The following MCPH1 variants were observed in gnomAD, a reference collection of about 807,000 sequenced individuals.
MCPH1 encodes the protein microcephalin 1.
In MCPH1, 104 loss-of-function variants were observed where a neutral mutation model predicts 84.5. The ratio of observed to expected loss-of-function variants is 1.23; its 90% CI spans 1.05 to 1.45. The LOEUF (loss-of-function observed/expected upper bound fraction) is 1.45. Ranked by LOEUF, MCPH1 falls within the 40% of genes most tolerant of loss-of-function variation. The pLI is 0.00. For missense variants in MCPH1, 1,498 were observed against 1,005.7 expected (o/e 1.49, Z -6.62); for synonymous variants, 514 against 366.8 (o/e 1.40, Z -4.58).
rs1305815210 is a variant in MCPH1 at position 6,647,265 on chromosome 8, C to G, written c.*4216C>G. 1 of 152,172 alleles carries G rather than the reference C, an allele frequency of 6.6e-6. No homozygotes were observed. The highest frequency in any genetic ancestry group is 1.5e-5 in the Non-Finnish European group (1 of 68,026). 9.4% of individuals were successfully genotyped at this position (152,172 alleles called of 1,614,324 possible). ...ATTAGAATGACTGTAAACAACAAGA[C>G]TGATAATTCCAACATCTGACCAAGA... On this transcript the variant is annotated 3_prime_UTR_variant, in exon 14 of 14. Coordinates refer to ENST00000344683, the MANE Select transcript of MCPH1 (RefSeq NM_024596.5).
intron 12 of MCPH1, among the ~76,000 whole-genome samples, chr8:6,562,167 G>A (rs949601133): frequency 6.6e-6 from 1 of 152,156 alleles, no homozygotes; most frequent in Non-Finnish European, 1.5e-5. Flanking sequence ...CAGGAAATTG[G>A]TAAAGCACTT....
chr8:6,473,870 T>C (rs551538878), intron 9 of MCPH1: 197 of 1,505,090 alleles, frequency 1.3e-4, no homozygotes, highest in Middle Eastern at 1.8e-4. Context: ...GATCCACTGC[T>C]CAATCCATTT....
intron 4 of MCPH1, among the ~76,000 whole-genome samples, chr8:6,435,758 A>G (rs960465135): frequency 1.3e-5 from 2 of 152,244 alleles, no homozygotes; most frequent in African/African-American, 2.4e-5. Flanking sequence ...CAAAAAATCG[A>G]AAGAGACTGG....
rs146351889 is a variant in MCPH1, at chr8:6,409,264, A to C, written c.23-15A>C. The C allele has an allele frequency of 1.3e-6, 2 of 1,594,468 alleles. No individual in the cohort carries two copies. Among genetic ancestry groups the C allele is most frequent in the Non-Finnish European group, 1.7e-6 (2 of 1,162,096 alleles). On this transcript the variant is annotated splice_polypyrimidine_tract_variant and intron_variant, in intron 1 of 13. Transcript: ENST00000344683. Reference sequence around the variant, plus strand: ...AATTTCAAATGTATGTTTCATGTTCATATCTTGTTTTCAGATGTAGTGGCC... The same window carrying C: ...AATTTCAAATGTATGTTTCATGTTCCTATCTTGTTTTCAGATGTAGTGGCC...
intron 12 of MCPH1, among the ~76,000 whole-genome samples, chr8:6,513,171 G>A (rs1815521238): frequency 2.0e-5 from 3 of 152,108 alleles, no homozygotes; most frequent in African/African-American, 4.8e-5. Flanking sequence ...ACAAAATACT[G>A]TTTGTATGAA....
chr8:6,417,683 C>G (rs1169849043), intron 3 of MCPH1, among the ~76,000 whole-genome samples: 1 of 152,078 alleles, frequency 6.6e-6, no homozygotes, highest in Middle Eastern at 3.2e-3. Flanking sequence ...TGTGAGATTT[C>G]TCACCTTTGG....
intron 9 of MCPH1, among the ~76,000 whole-genome samples, chr8:6,461,256 A>T (rs1311998326): frequency 6.7e-6 from 1 of 149,174 alleles, no homozygotes. Flanking sequence ...CACTCTATAA[A>T]TCAGTCAGAA....
intron 12 of MCPH1, chr8:6,513,825 C>G: frequency 6.2e-7 from 1 of 1,607,338 alleles, no homozygotes; most frequent in Non-Finnish European, 8.5e-7. Context: ...CCAATATTCT[C>G]CTGAAGGGTT....
At chr8:6,459,223 G>A (rs964525230) in intron 9 of MCPH1, among the ~76,000 whole-genome samples, 5 of 152,004 alleles carry the variant, frequency 3.3e-5, no homozygotes, top group African/African-American at 4.8e-5. Flanking sequence ...TTTGTTCCTT[G>A]TTAGATTTCA....
At chr8:6,486,992 G>A (rs1810009285) in intron 11 of MCPH1, among the ~76,000 whole-genome samples, 1 of 152,160 alleles carries the variant, frequency 6.6e-6, no homozygotes, top group Non-Finnish European at 1.5e-5. Flanking sequence ...CAAGCAGAGT[G>A]TCCTGTGATT....
At chr8:6,604,595 T>C (rs1327160237) in intron 12 of MCPH1, among the ~76,000 whole-genome samples, 1 of 152,216 alleles carries the variant, frequency 6.6e-6, no homozygotes, top group East Asian at 1.9e-4. Flanking sequence ...ATCTCTGCCT[T>C]TCAGGCTCGA....
intron 12 of MCPH1, among the ~76,000 whole-genome samples, chr8:6,550,836 T>A (rs986503416): frequency 1.2e-4 from 18 of 152,266 alleles, no homozygotes; most frequent in African/African-American, 4.3e-4. Context: ...GCACATGGCG[T>A]GCACCTGATA....
At chr8:6,616,193 C>T (rs1030641731) in intron 12 of MCPH1, 3 of 152,138 alleles carry the variant, frequency 2.0e-5, no homozygotes, top group Non-Finnish European at 2.9e-5. Flanking sequence ...CGTCCTGTAT[C>T]ATTGTTGAGA....
intron 12 of MCPH1, among the ~76,000 whole-genome samples, chr8:6,604,849 C>G (rs1054242880): frequency 6.6e-6 from 1 of 152,218 alleles, no homozygotes; most frequent in Non-Finnish European, 1.5e-5. Flanking sequence ...GAATTACCAA[C>G]TTAAGTACAA....
At chr8:6,541,188 G>A (rs1245681619) in intron 12 of MCPH1, among the ~76,000 whole-genome samples, 1 of 152,210 alleles carries the variant, frequency 6.6e-6, no homozygotes, top group East Asian at 1.9e-4. Context: ...GCACAAGAGG[G>A]TGAATTCTGA....
intron 12 of MCPH1, among the ~76,000 whole-genome samples, chr8:6,552,568 T>A (rs1212918469): frequency 1.3e-5 from 2 of 152,220 alleles, no homozygotes; most frequent in Non-Finnish European, 1.5e-5. Context: ...ATAGTATAGA[T>A]CTTGATAAGT....
intron 9 of MCPH1, among the ~76,000 whole-genome samples, chr8:6,466,767 G>T (rs1242874935): frequency 1.3e-5 from 2 of 151,740 alleles, no homozygotes; most frequent in African/African-American, 4.8e-5. Context: ...GTACAGACGG[G>T]GTTTCACCAT....
At chr8:6,563,018 G>A in intron 12 of MCPH1, 4 of 1,427,524 alleles carry the variant, frequency 2.8e-6, no homozygotes, top group East Asian at 2.4e-5. Context: ...CGTCTAAAAC[G>A]CAGGGCTGCT....
intron 12 of MCPH1, among the ~76,000 whole-genome samples, chr8:6,600,538 T>C (rs1186821696): frequency 6.6e-6 from 1 of 152,240 alleles, no homozygotes; most frequent in African/African-American, 2.4e-5. Context: ...TGAGTGTCTC[T>C]AGCATACCTC....
Sources: allele counts gnomAD v4.1 joint callset (sites outside exome capture counted in the v4.1 genomes callset), GRCh38; gene constraint gnomAD v4.1.1; transcripts MANE v1.5; gene names NCBI Gene and HGNC (gene_info 2026-07-23, HGNC 2026-07-21).